ARHGAP35: variants seen among roughly 807,000 people sequenced by gnomAD.
The protein encoded by ARHGAP35 is Rho GTPase activating protein 35, also known as rho GTPase-activating protein 35.
ARHGAP35 carries 15 observed loss-of-function variants against 111.1 expected under a neutral mutation model. That is an observed-to-expected ratio of 0.13 (90% CI 0.09 to 0.21). The LOEUF (loss-of-function observed/expected upper bound fraction) is 0.21. Among genes scored for constraint, ARHGAP35 ranks in the 10% least tolerant of loss-of-function variants. The pLI is 1.00. For missense variants in ARHGAP35, 1,262 were observed against 1,873.0 expected (o/e 0.67, Z 6.02); for synonymous variants, 643 against 710.3 (o/e 0.91, Z 1.51).
Position 46,909,709 on chromosome 19 carries a change from C to T in ARHGAP35, c.-188-8779C>T, listed in dbSNP as rs1002818043. ...CACCAACACTGTTCTGGGCAAATGT[C>T]ACTTTCTTTTTTCCCCTTGGCAAAT... is the stretch of plus-strand genomic sequence containing the variant. On this transcript the variant is annotated intron_variant, in intron 1 of 6. Coordinates refer to ENST00000672722, the MANE Select transcript of ARHGAP35 (RefSeq NM_004491.5). 3.3e-5 allele frequency among the ~76,000 whole-genome samples: 5 copies of T among 152,260 alleles called. No homozygotes were observed. In the East Asian group the frequency reaches 9.6e-4, roughly 29 times the overall value.
At chr19:46,870,923 G>T (rs1227414018) in intron 1 of ARHGAP35, among the ~76,000 whole-genome samples, 1 of 152,176 alleles carries the variant, frequency 6.6e-6, no homozygotes, top group East Asian at 1.9e-4. Context: ...TTTGCATGTT[G>T]TACAAGCCCC....
chr19:46,935,288 C>G (rs1021393227), intron 2 of ARHGAP35, among the ~76,000 whole-genome samples: 2 of 152,184 alleles, frequency 1.3e-5, no homozygotes, highest in African/African-American at 4.8e-5. Flanking sequence ...ATAGCATTCT[C>G]CATATTGAGT....
chr19:46,928,711 C>T (rs1006234088), intron 2 of ARHGAP35, among the ~76,000 whole-genome samples: 8 of 152,088 alleles, frequency 5.3e-5, no homozygotes, highest in African/African-American at 1.7e-4. Context: ...GCAGGCACAT[C>T]ACTTGAGGTC....
chr19:46,863,301 C>T (rs1024527565), intron 1 of ARHGAP35, among the ~76,000 whole-genome samples: 6 of 152,202 alleles, frequency 3.9e-5, no homozygotes, highest in Non-Finnish European at 8.8e-5. Flanking sequence ...AGGGTTCTCT[C>T]CCCAGGGATC....
chr19:46,906,558 C>T (rs971588440), intron 1 of ARHGAP35, among the ~76,000 whole-genome samples: 2 of 152,164 alleles, frequency 1.3e-5, no homozygotes, highest in Non-Finnish European at 2.9e-5. Context: ...ACGATTTGAA[C>T]AACTATAAAG....
At chr19:46,896,257 G>A (rs748287037) in intron 1 of ARHGAP35, among the ~76,000 whole-genome samples, 3 of 152,072 alleles carry the variant, frequency 2.0e-5, no homozygotes, top group Non-Finnish European at 2.9e-5. Flanking sequence ...TTAGCCAGGC[G>A]TGATGGTGTG....
chr19:46,891,054 T>C (rs2056021188), intron 1 of ARHGAP35, among the ~76,000 whole-genome samples: 1 of 152,146 alleles, frequency 6.6e-6, no homozygotes, highest in South Asian at 2.1e-4. Flanking sequence ...GCTTTGGAAA[T>C]CAAAATACCA....
Position 46,954,324 on chromosome 19 carries a change from C to A in ARHGAP35, c.3826+16916C>A, listed in dbSNP as rs1267959486. On this transcript the variant is annotated intron_variant, in intron 3 of 6. Transcript: ENST00000672722. ...GCCTTAAGGCAGGGGCCCCTTCTTTCCTGATTCATGTGTCCCCATGGGACC... is the reference window on the plus strand; with the variant it reads ...GCCTTAAGGCAGGGGCCCCTTCTTTACTGATTCATGTGTCCCCATGGGACC... Among the ~76,000 whole-genome samples the A allele has an allele frequency of 2.0e-5, 3 of 152,212 alleles. No homozygotes were observed. The East Asian group carries it at 5.8e-4, about 29-fold the overall frequency.
chr19:46,919,666 G>A lies in ARHGAP35; in HGVS notation c.991G>A (p.Glu331Lys), dbSNP rs777460603. 2 of 1,613,988 alleles carry A rather than the reference G, an allele frequency of 1.2e-6. No homozygotes were observed. The highest frequency in any genetic ancestry group is 1.7e-6 in the Non-Finnish European group (2 of 1,179,884). ...FLQHIHRLKH[E>K]HIERRRKLYL... ...ACAGCACATCCACCGCCTCAAGCATGAGCATATCGAGCGTAGGAGAAAGCT... is the reference window on the plus strand; with the variant it reads ...ACAGCACATCCACCGCCTCAAGCATAAGCATATCGAGCGTAGGAGAAAGCT... The change falls in exon 2 of 7, where the codon GAG becomes AAG. Residue 331 changes from glutamate to lysine, a missense_variant. Around this residue, in one of 8 missense-constraint regions of ARHGAP35, gnomAD observed 328 missense variants for 440.8 expected, o/e 0.74. Coordinates refer to ENST00000672722, the MANE Select transcript of ARHGAP35 (RefSeq NM_004491.5). This position sits in a 1 kb window ranked among gnomAD's most constrained non-coding sequence, Gnocchi z 6.2.
intron 1 of ARHGAP35, among the ~76,000 whole-genome samples, chr19:46,888,337 C>A (rs2056006455): frequency 9.5e-6 from 1 of 105,642 alleles, no homozygotes; most frequent in African/African-American, 3.5e-5. Flanking sequence ...ATTTTATACA[C>A]ACACACACAC....
intron 3 of ARHGAP35, among the ~76,000 whole-genome samples, chr19:46,961,222 C>G (rs917818758): frequency 6.6e-6 from 1 of 152,078 alleles, no homozygotes; most frequent in Non-Finnish European, 1.5e-5. Flanking sequence ...TTTAATCAGT[C>G]TCCTGTTAAA....
rs115962994 is a variant in ARHGAP35 at position 46,881,265 on chromosome 19, T to C, written c.-189+20056T>C. On this transcript the variant is annotated intron_variant, in intron 1 of 6. Transcript: ENST00000672722. Reference sequence around the variant, plus strand: ...CAAGTGAATGTTCTTAATGGGATCATGGGATCTAGAATGGTGAATCCTTTT... The same window carrying C: ...CAAGTGAATGTTCTTAATGGGATCACGGGATCTAGAATGGTGAATCCTTTT... 4.7e-3 allele frequency among the ~76,000 whole-genome samples: 716 copies of C among 152,278 alleles called. 9 individuals are homozygous for C. The highest frequency in any genetic ancestry group is 0.017 in the African/African-American group (705 of 41,566).
At chr19:46,932,918 C>T (rs1354958035) in intron 2 of ARHGAP35, among the ~76,000 whole-genome samples, 3 of 152,070 alleles carry the variant, frequency 2.0e-5, no homozygotes, top group South Asian at 4.1e-4. Context: ...GTTAGCCTTC[C>T]GTCTCTCTTA....
rs1290388090 is a variant in ARHGAP35 at position 46,901,049 on chromosome 19, TG to T, written c.-188-17438del. ...TTAAGTTCCATGAGGCAGGCATCTT[TG>T]TCTCTTTTGTTCATTGCTGTATCCA... On this transcript the variant is annotated intron_variant, in intron 1 of 6. Coordinates refer to ENST00000672722, the MANE Select transcript of ARHGAP35 (RefSeq NM_004491.5). This position sits in a 1 kb window ranked among gnomAD's most constrained non-coding sequence, Gnocchi z 4.5. Among the ~76,000 whole-genome samples the T allele has an allele frequency of 6.6e-6, 1 of 152,258 alleles. No individual in the cohort carries two copies. The highest frequency in any genetic ancestry group is 1.5e-5 in the Non-Finnish European group (1 of 68,050).
Position 46,993,884 on chromosome 19 carries a change from T to C in ARHGAP35, c.4036+4209T>C, listed in dbSNP as rs1337001629. On this transcript the variant is annotated intron_variant, in intron 5 of 6. Coordinates refer to ENST00000672722, the MANE Select transcript of ARHGAP35 (RefSeq NM_004491.5). The surrounding 1 kb of genome is among the most constrained non-coding windows in gnomAD (Gnocchi z 4.6). ...TCTCTCCCGGCCCACGCCCCTGGAC[T>C]CCTGTCTACCCCTGACCACACACTG... Among the ~76,000 whole-genome samples the C allele has an allele frequency of 6.6e-6, 1 of 152,158 alleles. No homozygotes were observed. Among genetic ancestry groups the C allele is most frequent in the South Asian group, 2.1e-4 (1 of 4,832 alleles).
At chr19:46,923,102 C>CTTTTT (rs397976247) in intron 2 of ARHGAP35, among the ~76,000 whole-genome samples, 10 of 123,654 alleles carry the variant, frequency 8.1e-5, no homozygotes, top group African/African-American at 9.6e-5. Flanking sequence ...AATGAAGTCT[C>CTTTTT]TTTTTTTTTT....
intron 2 of ARHGAP35, among the ~76,000 whole-genome samples, chr19:46,923,843 C>CCTGGGAG (rs1246394127): frequency 6.6e-6 from 1 of 151,286 alleles, no homozygotes; most frequent in African/African-American, 2.4e-5. Context: ...ATCACGTGAA[C>CCTGGGAG]CTGGGAGGCA....
At position 46,901,607 on chromosome 19, in the gene ARHGAP35, C is replaced by G. The variant is rs768809411; in HGVS notation, c.-188-16881C>G. Among the ~76,000 whole-genome samples, 2 of 152,160 alleles carry G rather than the reference C, an allele frequency of 1.3e-5. No individual in the cohort carries two copies. Among genetic ancestry groups the G allele is most frequent in the African/African-American group, 2.4e-5 (1 of 41,426 alleles). On this transcript the variant is annotated intron_variant, in intron 1 of 6. Transcript: ENST00000672722. The surrounding 1 kb of genome is among the most constrained non-coding windows in gnomAD (Gnocchi z 4.5). Reference sequence around the variant, plus strand: ...GTTCTTTAAAAGATAACTTGCTGCTCTAGGAGAGCAAGAGTATACATGTGA... The same window carrying G: ...GTTCTTTAAAAGATAACTTGCTGCTGTAGGAGAGCAAGAGTATACATGTGA...
At chr19:46,895,541 A>G (rs1450450234) in intron 1 of ARHGAP35, among the ~76,000 whole-genome samples, 1 of 152,204 alleles carries the variant, frequency 6.6e-6, no homozygotes, top group Non-Finnish European at 1.5e-5. Context: ...TTTTCTCACA[A>G]TTTAATGCTC....
Sources: allele counts gnomAD v4.1 joint callset (sites outside exome capture counted in the v4.1 genomes callset), GRCh38; gene constraint gnomAD v4.1.1; regional missense constraint gnomAD v4.1.1; non-coding constraint Gnocchi (gnomAD v3.1); transcripts MANE v1.5; gene names NCBI Gene and HGNC (gene_info 2026-07-23, HGNC 2026-07-21).